Variants in METTL15 observed in about 807,000 individuals in gnomAD.
The protein encoded by METTL15 is methyltransferase 15, mitochondrial 12S rRNA N4-cytidine, also known as 12S rRNA N(4)-cytidine methyltransferase METTL15.
METTL15 carries 34 observed loss-of-function variants against 38.3 expected under a neutral mutation model. That is an observed-to-expected ratio of 0.89 (90% CI 0.68 to 1.18). METTL15 has a LOEUF of 1.18. Ranked by LOEUF, METTL15 falls within the 50% of genes most tolerant of loss-of-function variation. The pLI is 0.00. For missense variants in METTL15, 438 were observed against 498.4 expected (o/e 0.88, Z 1.15); for synonymous variants, 162 against 170.9 (o/e 0.95, Z 0.41).
chr11:28,141,040 A>G (rs543422875), intron 3 of METTL15, among the ~76,000 whole-genome samples: 1 of 152,320 alleles, frequency 6.6e-6, no homozygotes, highest in African/African-American at 2.4e-5. Flanking sequence ...TATGCTGAGA[A>G]CAGCAGTAGT....
chr11:28,478,094 T>C (rs1851362408), intron 6 of METTL15, among the ~76,000 whole-genome samples: 1 of 152,224 alleles, frequency 6.6e-6, no homozygotes. Context: ...CTTTATTTTA[T>C]ATTTTATTTT....
chr11:28,395,437 AG>A, intron 5 of METTL15, among the ~76,000 whole-genome samples: 1 of 152,234 alleles, frequency 6.6e-6, no homozygotes, highest in Admixed American at 6.6e-5. Context: ...GGCATTGCCC[AG>A]GTTCCTCACC....
chr11:28,530,228 A>G (rs1484895703), downstream of METTL15, among the ~76,000 whole-genome samples: 1 of 152,192 alleles, frequency 6.6e-6, no homozygotes, highest in African/African-American at 2.4e-5. Context: ...AGACAGAGAG[A>G]GAGAAACCAC....
At chr11:28,513,798 C>G (rs905485280) in intron 6 of METTL15, among the ~76,000 whole-genome samples, 11 of 152,362 alleles carry the variant, frequency 7.2e-5, no homozygotes, top group African/African-American at 2.4e-4. Flanking sequence ...ACAGATCGCT[C>G]ATGCTATTGT....
chr11:28,501,140 G>A (rs1851579547), intron 6 of METTL15, among the ~76,000 whole-genome samples: 1 of 152,186 alleles, frequency 6.6e-6, no homozygotes, highest in South Asian at 2.1e-4. Context: ...TAGACAGCAA[G>A]AGCAGAGTGG....
Position 28,487,351 on chromosome 11 carries a change from A to T in METTL15, c.*425-39127A>T, listed in dbSNP as rs545840202. Among the ~76,000 whole-genome samples, 150 of 152,322 alleles carry T rather than the reference A, an allele frequency of 9.8e-4. No homozygotes were observed. In the South Asian group the frequency reaches 0.013, roughly 13 times the overall value. ...TATGGTTCATTAATACCATGAAATA[A>T]TATCTAGACATAAAGAATCTGACAT... is the stretch of plus-strand genomic sequence containing the variant. On this transcript the variant is annotated intron_variant and NMD_transcript_variant, in intron 6 of 7. Coordinates refer to the METTL15 transcript ENST00000532947.
intron 4 of METTL15, among the ~76,000 whole-genome samples, chr11:28,359,291 T>G (rs1476369164): frequency 6.6e-6 from 1 of 152,200 alleles, no homozygotes; most frequent in African/African-American, 2.4e-5. Flanking sequence ...ACATAGTATT[T>G]CATGATGTGT....
At chr11:28,212,368 T>C (rs984331807) in intron 4 of METTL15, among the ~76,000 whole-genome samples, 3 of 152,192 alleles carry the variant, frequency 2.0e-5, no homozygotes, top group African/African-American at 7.2e-5. Context: ...ATCTGTCTTC[T>C]GCAGTGTAAC....
intron 3 of METTL15, among the ~76,000 whole-genome samples, chr11:28,342,495 T>G (rs980738101): frequency 6.6e-6 from 1 of 151,762 alleles, no homozygotes; most frequent in African/African-American, 2.4e-5. Flanking sequence ...ATTCCTGGGC[T>G]CAAGTGATCC....
At chr11:28,325,204 C>G (rs1213485839) in intron 6 of METTL15, among the ~76,000 whole-genome samples, 1 of 152,170 alleles carries the variant, frequency 6.6e-6, no homozygotes, top group East Asian at 1.9e-4. Context: ...GATGGCCTTC[C>G]CATGTTACGG....
intron 3 of METTL15, among the ~76,000 whole-genome samples, chr11:28,165,351 T>C (rs1026845743): frequency 6.6e-6 from 1 of 152,284 alleles, no homozygotes; most frequent in Admixed American, 6.5e-5. Context: ...TTGTGTTATT[T>C]TTCATCTTCT....
intron 3 of METTL15, among the ~76,000 whole-genome samples, chr11:28,173,350 CTT>C (rs1850930080): frequency 1.3e-5 from 2 of 152,094 alleles, no homozygotes; most frequent in African/African-American, 4.8e-5. Flanking sequence ...TTATTTGTCT[CTT>C]ATACCAAGTG....
chr11:28,384,986 G>A (rs1850425786), intron 5 of METTL15, among the ~76,000 whole-genome samples: 1 of 152,026 alleles, frequency 6.6e-6, no homozygotes, highest in South Asian at 2.1e-4. Flanking sequence ...TTTTTAATGG[G>A]ATTGTTTGAT....
chr11:28,372,403 G>A (rs1056809404), intron 5 of METTL15, among the ~76,000 whole-genome samples: 2 of 149,056 alleles, frequency 1.3e-5, no homozygotes, highest in South Asian at 2.1e-4. Context: ...TTTTTGTATC[G>A]ATGTTCATTA....
At chr11:28,452,171 G>C (rs1851128699) in intron 6 of METTL15, among the ~76,000 whole-genome samples, 1 of 152,202 alleles carries the variant, frequency 6.6e-6, no homozygotes, top group Non-Finnish European at 1.5e-5. Context: ...TTTGTGGAGA[G>C]AGCCGTTTGG....
chr11:28,117,387 ATTAG>A (rs1442186068), intron 3 of METTL15, among the ~76,000 whole-genome samples: 1 of 151,526 alleles, frequency 6.6e-6, no homozygotes, highest in Non-Finnish European at 1.5e-5. Flanking sequence ...AGCACATTGT[ATTAG>A]TTTATTAAAC....
chr11:28,135,743 G>A (rs773421095), intron 3 of METTL15, among the ~76,000 whole-genome samples: 5 of 152,146 alleles, frequency 3.3e-5, no homozygotes, highest in South Asian at 2.1e-4. Context: ...GATGCCAGGC[G>A]GGGAGAAATA....
At chr11:28,320,232 A>G (rs533317292) in intron 6 of METTL15, among the ~76,000 whole-genome samples, 1 of 148,556 alleles carries the variant, frequency 6.7e-6, no homozygotes, top group East Asian at 2.0e-4. Context: ...GTGGTTTAAA[A>G]TCACTCCAAT....
chr11:28,170,560 C>T (rs1054499155), intron 3 of METTL15, among the ~76,000 whole-genome samples: 23 of 152,070 alleles, frequency 1.5e-4, no homozygotes, highest in Non-Finnish European at 2.8e-4. Context: ...CTTGAGTATA[C>T]GCTAAACTAG....
Sources: allele counts gnomAD v4.1 joint callset (sites outside exome capture counted in the v4.1 genomes callset), GRCh38; gene constraint gnomAD v4.1.1; transcripts MANE v1.5; gene names NCBI Gene and HGNC (gene_info 2026-07-23, HGNC 2026-07-21).